CTNNA1: variants seen among roughly 807,000 people sequenced by gnomAD.
The protein encoded by CTNNA1 is catenin alpha 1.
Under a neutral mutation model 98.4 loss-of-function variants are expected in CTNNA1, and 37 were observed. The observed-to-expected ratio is 0.38, with a 90% confidence interval of 0.29 to 0.49. The LOEUF (loss-of-function observed/expected upper bound fraction) is 0.49. Among genes scored for constraint, CTNNA1 ranks in the 20% least tolerant of loss-of-function variants. CTNNA1 has a pLI of 0.95. For missense variants in CTNNA1, 761 were observed against 1,147.2 expected (o/e 0.66, Z 4.86); for synonymous variants, 404 against 413.2 (o/e 0.98, Z 0.27).
chr5:138,810,237 C>A, intron 4 of CTNNA1, 33 bp downstream of exon 4: 1 of 1,596,732 alleles, frequency 6.3e-7, no homozygotes, highest in South Asian at 1.1e-5. Context: ...GTAATTTGTT[C>A]TATCACAGGA....
intron 13 of CTNNA1, among the ~76,000 whole-genome samples, chr5:138,928,306 A>G (rs1377234094): frequency 6.6e-6 from 1 of 152,190 alleles, no homozygotes; most frequent in Admixed American, 6.5e-5. Flanking sequence ...TAAGAATTTT[A>G]TTTCATAATT....
chr5:138,913,759 C>T (rs1761160126), intron 10 of CTNNA1, among the ~76,000 whole-genome samples: 1 of 152,038 alleles, frequency 6.6e-6, no homozygotes, highest in Admixed American at 6.5e-5. Flanking sequence ...AGTAAGTATT[C>T]CAATTAATAA....
At chr5:138,799,890 A>ATGTATGTATG (rs1320107213) in intron 3 of CTNNA1, among the ~76,000 whole-genome samples, 2 of 138,778 alleles carry the variant, frequency 1.4e-5, no homozygotes, top group East Asian at 4.5e-4. Flanking sequence ...GTATGTATGT[A>ATGTATGTATG]TGTGTGTGTG....
chr5:138,925,582 CA>C, intron 13 of CTNNA1, 175 bp downstream of exon 13: 1 of 999,562 alleles, frequency 1.0e-6, no homozygotes, highest in South Asian at 2.0e-5. Flanking sequence ...CTGTTAGTTG[CA>C]AGTTAGAGCC....
intron 1 of CTNNA1, among the ~76,000 whole-genome samples, chr5:138,775,107 T>G (rs1199561450): frequency 1.3e-5 from 2 of 152,254 alleles, no homozygotes; most frequent in Non-Finnish European, 2.9e-5. Context: ...AATGTCTGCT[T>G]GCAGCTAGCT....
intron 1 of CTNNA1, among the ~76,000 whole-genome samples, chr5:138,780,560 C>T (rs1320642077): frequency 2.0e-5 from 3 of 151,186 alleles, no homozygotes; most frequent in Non-Finnish European, 4.4e-5. Context: ...TCTTGTTGCC[C>T]AGGCTGGAGT....
intron 10 of CTNNA1, among the ~76,000 whole-genome samples, chr5:138,906,255 A>C (rs1759234060): frequency 6.6e-6 from 1 of 152,200 alleles, no homozygotes; most frequent in Non-Finnish European, 1.5e-5. Context: ...GTGTTAGTCC[A>C]GTCCTGAAAT....
chr5:138,927,957 C>CA (rs1165245031), intron 13 of CTNNA1, among the ~76,000 whole-genome samples: 1 of 152,126 alleles, frequency 6.6e-6, no homozygotes, highest in East Asian at 1.9e-4. Flanking sequence ...CAGGACCTCA[C>CA]ACCGACATGC....
At position 138,930,663 on chromosome 5, in the gene CTNNA1, C is replaced by T. The variant is rs761184899; in HGVS notation, c.2192+9C>T. On this transcript the variant is annotated intron_variant, in intron 15 of 17. Coordinates refer to ENST00000302763, the MANE Select transcript of CTNNA1 (RefSeq NM_001903.5). ...ATGACAGACTTTACCCGGTGAGCAG[C>T]ACCCCGGCCCCACCAGGCTGCACAG... is the stretch of plus-strand genomic sequence containing the variant. 3 of 1,607,404 alleles carry T rather than the reference C, an allele frequency of 1.9e-6. No individual in the cohort carries two copies. The highest frequency in any genetic ancestry group is 1.1e-5 in the South Asian group (1 of 89,978).
rs557241856 is a variant in CTNNA1 at position 138,844,135 on chromosome 5, C to CATTTTAAAAATTTAAAAATTTTTAAA, written c.1062+16429_1062+16454dup. 4.5e-3 allele frequency among the ~76,000 whole-genome samples: 687 copies of CATTTTAAAAATTTAAAAATTTTTAAA among 151,880 alleles called. 5 individuals carry two copies. Among genetic ancestry groups the CATTTTAAAAATTTAAAAATTTTTAAA allele is most frequent in the African/African-American group, 0.014 (594 of 41,354 alleles). Reference sequence around the variant, plus strand: ...AAGAATGGCCACTCCATAGGCAGAGCATTTTAAAAATTTAAAAATTTTTAA... The same window carrying CATTTTAAAAATTTAAAAATTTTTAAA: ...AAGAATGGCCACTCCATAGGCAGAGCATTTTAAAAATTTAAAAATTTTTAAAATTTTAAAAATTTAAAAATTTTTAA... On this transcript the variant is annotated intron_variant, in intron 7 of 17. Coordinates refer to ENST00000302763, the MANE Select transcript of CTNNA1 (RefSeq NM_001903.5).
At chr5:138,825,146 C>T (rs922263363) in intron 6 of CTNNA1, among the ~76,000 whole-genome samples, 5 of 152,092 alleles carry the variant, frequency 3.3e-5, no homozygotes, top group East Asian at 1.9e-4. Flanking sequence ...ACTAAGTACA[C>T]GTAGGGTCAG....
intron 7 of CTNNA1, chr5:138,881,028 T>C (rs1179788054): frequency 2.2e-6 from 1 of 456,178 alleles, no homozygotes; most frequent in Non-Finnish European, 4.4e-6. Flanking sequence ...TTTCTTACTC[T>C]GTACGGTTTA....
rs139341657 is a variant in CTNNA1, at chr5:138,841,757, G to A, written c.1062+14039G>A. 2.9e-3 allele frequency among the ~76,000 whole-genome samples: 443 copies of A among 152,310 alleles called. 3 individuals carry two copies. The highest frequency in any genetic ancestry group is 0.01 in the African/African-American group (416 of 41,568). ...TATCCTACAAGTATTACTTTCAGATGTTTTGAAATGATTGGCCTCCTGCTC... is the reference window on the plus strand; with the variant it reads ...TATCCTACAAGTATTACTTTCAGATATTTTGAAATGATTGGCCTCCTGCTC... On this transcript the variant is annotated intron_variant, in intron 7 of 17. Transcript: ENST00000302763.
chr5:138,889,718 C>G (rs1217039875), intron 9 of CTNNA1, among the ~76,000 whole-genome samples: 4 of 150,842 alleles, frequency 2.7e-5, no homozygotes, highest in Admixed American at 6.6e-5. Flanking sequence ...CTCTCCACAC[C>G]CCCACACGTT....
intron 10 of CTNNA1, among the ~76,000 whole-genome samples, chr5:138,912,061 C>G (rs906930878): frequency 6.6e-6 from 1 of 152,078 alleles, no homozygotes; most frequent in Non-Finnish European, 1.5e-5. Flanking sequence ...ATGTTGAGGG[C>G]AGAGGTCTGA....
At chr5:138,811,619 C>T (rs1453422893) in intron 4 of CTNNA1, among the ~76,000 whole-genome samples, 3 of 152,186 alleles carry the variant, frequency 2.0e-5, no homozygotes, top group Non-Finnish European at 2.9e-5. Flanking sequence ...GCACTCCAGC[C>T]TGGGCACTGT....
chr5:138,806,125 G>A (rs1232472605), intron 3 of CTNNA1, among the ~76,000 whole-genome samples: 1 of 152,184 alleles, frequency 6.6e-6, no homozygotes, highest in Non-Finnish European at 1.5e-5. Flanking sequence ...AGCACCATTT[G>A]TGGACAAGAC....
chr5:138,836,582 G>A (rs1363009819), intron 7 of CTNNA1, among the ~76,000 whole-genome samples: 1 of 152,210 alleles, frequency 6.6e-6, no homozygotes, highest in Non-Finnish European at 1.5e-5. Context: ...CCAGAAAGAT[G>A]CATGTTTATG....
At chr5:138,826,499 A>C (rs1031378693) in intron 6 of CTNNA1, among the ~76,000 whole-genome samples, 1 of 152,128 alleles carries the variant, frequency 6.6e-6, no homozygotes, top group Non-Finnish European at 1.5e-5. Context: ...TAAATGCTAG[A>C]AAAGCTGGAT....
Sources: allele counts gnomAD v4.1 joint callset (sites outside exome capture counted in the v4.1 genomes callset), GRCh38; gene constraint gnomAD v4.1.1; transcripts MANE v1.5; gene names NCBI Gene and HGNC (gene_info 2026-07-23, HGNC 2026-07-21).